Variants in CDH13 observed in about 807,000 individuals in gnomAD.
CDH13 encodes cadherin-13.
Under a neutral mutation model 63.8 loss-of-function variants are expected in CDH13, and 24 were observed. The observed-to-expected ratio is 0.38, with a 90% CI of 0.27 to 0.53. The LOEUF (loss-of-function observed/expected upper bound fraction) is 0.53. Ranked by LOEUF, CDH13 falls within the 20% of genes least tolerant of loss-of-function variation. The probability of loss-of-function intolerance (pLI) is 0.85; values close to 1 mark genes in which losing one functional copy is unlikely to be tolerated. For missense variants in CDH13, 1,049 were observed against 903.1 expected (o/e 1.16, Z -2.07); for synonymous variants, 503 against 355.3 (o/e 1.42, Z -4.67).
chr16:83,528,609 C>A (rs2075014261), intron 7 of CDH13, among the ~76,000 whole-genome samples: 1 of 152,124 alleles, frequency 6.6e-6, no homozygotes, highest in Non-Finnish European at 1.5e-5. Flanking sequence ...AATATTAGAT[C>A]ATCTGTCTCT....
At chr16:82,762,895 TA>T (rs1441644495) in intron 1 of CDH13, among the ~76,000 whole-genome samples, 1 of 152,180 alleles carries the variant, frequency 6.6e-6, no homozygotes, top group Admixed American at 6.5e-5. Flanking sequence ...GTGGAGTCCT[TA>T]AAGTGGATTA....
chr16:83,366,810 T>C (rs1049211201), intron 6 of CDH13, among the ~76,000 whole-genome samples: 1 of 152,164 alleles, frequency 6.6e-6, no homozygotes, highest in South Asian at 2.1e-4. Flanking sequence ...GGTGTGGTGG[T>C]TGACACTTAG....
Position 82,703,490 on chromosome 16 carries a change from T to C in CDH13, c.45+76353T>C, listed in dbSNP as rs894173724. On this transcript the variant is annotated intron_variant, in intron 1 of 13. Transcript: ENST00000567109. ...CCACTCCCTTGCCCCTTTGGAGATG[T>C]ATTTGACACCATTTCTCAGAGTCTC... is the stretch of plus-strand genomic sequence containing the variant. 4.9e-4 allele frequency among the ~76,000 whole-genome samples: 75 copies of C among 152,134 alleles called. 3 individuals are homozygous for C.
At chr16:82,734,166 C>A (rs1171470320) in intron 1 of CDH13, among the ~76,000 whole-genome samples, 1 of 152,244 alleles carries the variant, frequency 6.6e-6, no homozygotes, top group Non-Finnish European at 1.5e-5. Flanking sequence ...CCAACTTTGG[C>A]CCACTACTTG....
intron 5 of CDH13, among the ~76,000 whole-genome samples, chr16:83,256,335 T>C (rs1008964826): frequency 6.6e-6 from 1 of 152,088 alleles, no homozygotes; most frequent in Non-Finnish European, 1.5e-5. Flanking sequence ...ACTTGGCCCA[T>C]AAGTGATTTT....
In CDH13 at chr16:83,754,642, T is replaced by G. The variant is rs967792325; in HGVS notation, c.1681+6392T>G. Among the ~76,000 whole-genome samples, 4 of 152,206 alleles carry G rather than the reference T, an allele frequency of 2.6e-5. No homozygotes were observed. The East Asian group carries it at 7.7e-4, about 29-fold the overall frequency. ...AGTGAATAAGTCTCATGAGATCTGA[T>G]GGTTTTATCAGGGGTTTCCACTTTT... On this transcript the variant is annotated intron_variant, in intron 11 of 13. Coordinates refer to ENST00000567109, the MANE Select transcript of CDH13 (RefSeq NM_001257.5).
At chr16:83,240,053 G>A (rs1271226980) in intron 5 of CDH13, among the ~76,000 whole-genome samples, 1 of 152,218 alleles carries the variant, frequency 6.6e-6, no homozygotes, top group Non-Finnish European at 1.5e-5. Context: ...GGATGCAGGA[G>A]GTTGGGTGCA....
chr16:83,723,804 T>A (rs983548354), intron 10 of CDH13, among the ~76,000 whole-genome samples: 1 of 151,572 alleles, frequency 6.6e-6, no homozygotes, highest in African/African-American at 2.4e-5. Context: ...GTCTGACATA[T>A]AATAGCTACA....
chr16:83,414,001 A>T (rs1376393121), intron 6 of CDH13, among the ~76,000 whole-genome samples: 1 of 152,144 alleles, frequency 6.6e-6, no homozygotes, highest in Non-Finnish European at 1.5e-5. Context: ...CTCAAAAAAA[A>T]CAAAAATACT....
At chr16:82,913,549 G>A (rs2041899147) in intron 2 of CDH13, among the ~76,000 whole-genome samples, 2 of 152,118 alleles carry the variant, frequency 1.3e-5, no homozygotes, top group South Asian at 2.1e-4. Flanking sequence ...ACTGTGGGTC[G>A]ATGGGTCAAA....
At chr16:82,695,005 G>A (rs538750589) in intron 1 of CDH13, among the ~76,000 whole-genome samples, 1 of 152,248 alleles carries the variant, frequency 6.6e-6, no homozygotes, top group East Asian at 1.9e-4. Flanking sequence ...TGTGTGGGGA[G>A]GGTGGAGACA....
At chr16:83,037,557 A>G (rs564207742) in intron 3 of CDH13, among the ~76,000 whole-genome samples, 14 of 152,160 alleles carry the variant, frequency 9.2e-5, no homozygotes, top group Non-Finnish European at 1.3e-4. Context: ...AGCCTGGAGG[A>G]TGGAGATGAA....
At chr16:83,409,666 C>T (rs1026191689) in intron 6 of CDH13, among the ~76,000 whole-genome samples, 2 of 152,332 alleles carry the variant, frequency 1.3e-5, no homozygotes, top group Admixed American at 6.5e-5. Context: ...TTTCCCTCTT[C>T]AAAATGGCAT....
chr16:82,891,516 A>T (rs758613225), intron 2 of CDH13, among the ~76,000 whole-genome samples: 3 of 152,190 alleles, frequency 2.0e-5, no homozygotes, highest in Non-Finnish European at 4.4e-5. Context: ...TGTCTGGAAG[A>T]TCCCACCTAT....
intron 1 of CDH13, among the ~76,000 whole-genome samples, chr16:82,642,229 T>C (rs1051480225): frequency 6.6e-6 from 1 of 152,192 alleles, no homozygotes; most frequent in African/African-American, 2.4e-5. Flanking sequence ...ATTACTATTG[T>C]TGTTGACACA....
At chr16:82,883,142 G>C (rs1416906875) in intron 2 of CDH13, among the ~76,000 whole-genome samples, 3 of 152,208 alleles carry the variant, frequency 2.0e-5, no homozygotes, top group South Asian at 2.1e-4. Flanking sequence ...AAGCATAAGA[G>C]AAGAGATAAG....
At chr16:82,840,915 G>A (rs895857736) in intron 1 of CDH13, among the ~76,000 whole-genome samples, 2 of 152,142 alleles carry the variant, frequency 1.3e-5, no homozygotes, top group Non-Finnish European at 2.9e-5. Context: ...GCTTGGCAAG[G>A]TCAGAAAGTT....
intron 4 of CDH13, among the ~76,000 whole-genome samples, chr16:83,212,738 G>C (rs1421542554): frequency 6.6e-6 from 1 of 152,170 alleles, no homozygotes; most frequent in Admixed American, 6.5e-5. Flanking sequence ...GTATGCGTGA[G>C]AATCACCTGG....
At chr16:82,756,847 C>T (rs1227081976) in intron 1 of CDH13, among the ~76,000 whole-genome samples, 1 of 152,146 alleles carries the variant, frequency 6.6e-6, no homozygotes. Flanking sequence ...GCATGACTAT[C>T]ACCTTGTCAT....
Sources: gnomAD v4.1 joint callset for allele counts (sites outside exome capture counted in the v4.1 genomes callset) on GRCh38, gnomAD v4.1.1 for gene constraint, MANE v1.5 for transcripts, NCBI Gene and HGNC (gene_info 2026-07-23, HGNC 2026-07-21) for gene names.